Variants in AKAP9 observed in about 807,000 individuals in gnomAD.
The protein encoded by AKAP9 is A-kinase anchor protein 9.
Under a neutral mutation model 488.5 loss-of-function variants are expected in AKAP9, and 311 were observed. That is an observed-to-expected ratio of 0.64 (90% CI 0.58 to 0.70). The LOEUF (loss-of-function observed/expected upper bound fraction) is 0.70, where lower values mean the gene tolerates loss of function less well. AKAP9 is among the 30% of genes least tolerant of loss of function. The probability of loss-of-function intolerance (pLI) is 0.00; values close to 1 mark genes in which losing one functional copy is unlikely to be tolerated. For missense variants in AKAP9, 4,215 were observed against 4,374.5 expected (o/e 0.96, Z 1.03); for synonymous variants, 1,462 against 1,483.5 (o/e 0.99, Z 0.33).
intron 7 of AKAP9, among the ~76,000 whole-genome samples, chr7:91,997,178 A>C (rs1384545177): frequency 6.6e-6 from 1 of 152,216 alleles, no homozygotes; most frequent in African/African-American, 2.4e-5. Flanking sequence ...CAGAACACCT[A>C]TTTTTGTAGC....
intron 16 of AKAP9, among the ~76,000 whole-genome samples, chr7:92,037,076 G>C (rs1805326062): frequency 6.6e-6 from 1 of 152,138 alleles, no homozygotes. Context: ...TTAAATATGT[G>C]ACCTTTGATG....
intron 16 of AKAP9, among the ~76,000 whole-genome samples, chr7:92,033,442 C>CTTTT (rs35497475): frequency 1.6e-3 from 167 of 107,076 alleles, no homozygotes; most frequent in Non-Finnish European, 1.9e-3. Flanking sequence ...CTTTTCTTTT[C>CTTTT]TTTTTTTTTT....
chr7:92,029,774 A>G, intron 14 of AKAP9, 121 bp from the exon 15 acceptor site: 1 of 780,882 alleles, frequency 1.3e-6, no homozygotes, highest in Non-Finnish European at 2.3e-6. Context: ...AATACCTATA[A>G]CCCTAGACTC....
At chr7:92,050,949 C>G (rs1648428743) in intron 21 of AKAP9, among the ~76,000 whole-genome samples, 1 of 152,190 alleles carries the variant, frequency 6.6e-6, no homozygotes, top group South Asian at 2.1e-4. Context: ...TTGTCTTCTT[C>G]TACATTGTCT....
chr7:91,945,384 C>T (rs1007281177), intron 1 of AKAP9, among the ~76,000 whole-genome samples: 1 of 152,088 alleles, frequency 6.6e-6, no homozygotes, highest in Non-Finnish European at 1.5e-5. Context: ...GTGGCAGGTA[C>T]TAATCCCAGC....
Position 92,079,569 on chromosome 7 carries a change from A to T in AKAP9, c.7436A>T (p.Asn2479Ile), listed in dbSNP as rs765800272. The change falls in exon 31 of 50, where the codon AAT becomes ATT. Residue 2479 changes from asparagine to isoleucine, a missense_variant. By Grantham distance (149) the Asn-to-Ile change is moderately radical. This residue lies in a region of AKAP9 where 1,476 missense variants were observed against 1,477.4 expected (regional missense o/e 1.00). Coordinates refer to ENST00000356239, the MANE Select transcript of AKAP9 (RefSeq NM_005751.5). ...LTEDALKSLE[N>I]QTYFKSFEEN... Reference sequence around the variant, plus strand: ...GAGGATGCTCTTAAATCCCTAGAAAATCAGACATACTTCAAATCTTTTGAA... The same window carrying T: ...GAGGATGCTCTTAAATCCCTAGAAATTCAGACATACTTCAAATCTTTTGAA... 1.9e-6 allele frequency: 3 copies of T among 1,613,694 alleles called. No individual in the cohort carries two copies. In the African/African-American group the frequency reaches 4.0e-5, roughly 22 times the overall value.
chr7:92,012,051 T>C (rs1200525670), intron 8 of AKAP9, among the ~76,000 whole-genome samples: 1 of 152,156 alleles, frequency 6.6e-6, no homozygotes, highest in Non-Finnish European at 1.5e-5. Flanking sequence ...CAGCGAGCCA[T>C]GATTGCACCA....
chr7:92,105,968 T>G (rs1818450649), intron 47 of AKAP9, among the ~76,000 whole-genome samples: 1 of 152,248 alleles, frequency 6.6e-6, no homozygotes, highest in Admixed American at 6.5e-5. Flanking sequence ...CAAATCCTAT[T>G]GTGAACTGCA....
intron 20 of AKAP9, 79 bp from the exon 21 acceptor site, chr7:92,044,929 G>A (rs992300965): frequency 6.3e-6 from 7 of 1,113,640 alleles, no homozygotes; most frequent in Non-Finnish European, 9.6e-6. Context: ...ATTTTGCAGT[G>A]TACTTTTTAG....
chr7:92,040,281 T>G (rs953333229), intron 17 of AKAP9, among the ~76,000 whole-genome samples: 2 of 152,184 alleles, frequency 1.3e-5, no homozygotes, highest in African/African-American at 4.8e-5. Context: ...TTTCATACAT[T>G]TAATTTTAAA....
At chr7:92,019,884 C>T (rs919873427) in intron 12 of AKAP9, among the ~76,000 whole-genome samples, 2 of 151,626 alleles carry the variant, frequency 1.3e-5, no homozygotes, top group African/African-American at 2.4e-5. Context: ...TGTGGTGACA[C>T]GGGCCTATAA....
chr7:92,054,918 T>C (rs762604815), intron 22 of AKAP9, among the ~76,000 whole-genome samples: 8 of 151,976 alleles, frequency 5.3e-5, no homozygotes, highest in Non-Finnish European at 7.4e-5. Flanking sequence ...GTAGTCTCTT[T>C]GTGGTTCTGC....
intron 1 of AKAP9, among the ~76,000 whole-genome samples, chr7:91,949,015 T>G (rs1417565588): frequency 6.6e-6 from 1 of 152,162 alleles, no homozygotes; most frequent in East Asian, 1.9e-4. Context: ...CCTCCCAAAG[T>G]GCTGGGATTA....
At chr7:92,017,251 T>G (rs1801639844) in intron 12 of AKAP9, 149 bp downstream of exon 12, 1 of 663,794 alleles carries the variant, frequency 1.5e-6, no homozygotes, top group Non-Finnish European at 2.7e-6. Context: ...AGTAGATAAT[T>G]TATATTGGTA....
chr7:92,077,092 C>CTTTTTTTTTTTTTTTTTTTTT lies in AKAP9; in HGVS notation c.6765+88_6765+89insTTTTTTTTTTTTTTTTTTTTT, dbSNP rs201649179. On this transcript the variant is annotated intron_variant, in intron 29 of 49. Coordinates refer to ENST00000356239, the MANE Select transcript of AKAP9 (RefSeq NM_005751.5). Reference sequence around the variant, plus strand: ...TTTATTATTATTATTATTATTATTTCTTTCTTTTTTTTTTTTTTTTTGAGA... The same window carrying CTTTTTTTTTTTTTTTTTTTTT: ...TTTATTATTATTATTATTATTATTTCTTTTTTTTTTTTTTTTTTTTTTTTCTTTTTTTTTTTTTTTTTGAGA... The CTTTTTTTTTTTTTTTTTTTTT allele has an allele frequency of 6.7e-6, 2 of 296,970 alleles. 1 individual carries two copies. Among genetic ancestry groups the CTTTTTTTTTTTTTTTTTTTTT allele is most frequent in the Non-Finnish European group, 1.0e-5 (2 of 199,960 alleles). 18.4% of individuals were successfully genotyped at this position (296,970 alleles called of 1,614,324 possible).
In AKAP9 at chr7:92,002,890, A is replaced by T; in HGVS notation, c.2973A>T (p.Ser991=). Residue 991 remains serine (S), a synonymous_variant, in exon 8 of 50, where the codon TCA becomes TCT. Coordinates refer to ENST00000356239, the MANE Select transcript of AKAP9 (RefSeq NM_005751.5). ...KSLKQEKEQV[S]LRCRELEIII... is the part of the protein sequence containing the mutation. ...TAAAGCAAGAGAAAGAACAAGTTTC[A>T]TTGAGATGTAGAGAGCTAGAAATCA... The T allele has an allele frequency of 6.2e-7, 1 of 1,612,760 alleles. No individual in the cohort carries two copies. The highest frequency in any genetic ancestry group is 1.1e-5 in the South Asian group (1 of 90,876).
At chr7:92,056,620 A>T (rs1459556242) in intron 22 of AKAP9, among the ~76,000 whole-genome samples, 1 of 151,722 alleles carries the variant, frequency 6.6e-6, no homozygotes, top group African/African-American at 2.4e-5. Flanking sequence ...TTTATTGCCT[A>T]GTCCAGACTT....
chr7:91,981,806 A>G (rs1325239327), intron 3 of AKAP9, among the ~76,000 whole-genome samples: 2 of 151,878 alleles, frequency 1.3e-5, no homozygotes, highest in African/African-American at 4.8e-5. Flanking sequence ...GGGTTTCACC[A>G]TCTTGGCCAG....
intron 1 of AKAP9, among the ~76,000 whole-genome samples, chr7:91,964,967 A>G (rs147084979): frequency 0.011 from 1,602 of 152,232 alleles, 25 homozygotes; most frequent in African/African-American, 0.037. Flanking sequence ...GCACTCATAT[A>G]GTTTGTAAGG....
Sources: allele counts gnomAD v4.1 joint callset (sites outside exome capture counted in the v4.1 genomes callset), GRCh38; gene constraint gnomAD v4.1.1; regional missense constraint gnomAD v4.1.1; transcripts MANE v1.5; gene names NCBI Gene and HGNC (gene_info 2026-07-23, HGNC 2026-07-21).